CPNE4: variants seen among roughly 807,000 people sequenced by gnomAD.
The protein encoded by CPNE4 is copine-4.
CPNE4 carries 25 observed loss-of-function variants against 67.9 expected under a neutral mutation model. The ratio of observed to expected loss-of-function variants is 0.37; its 90% CI spans 0.27 to 0.51. The LOEUF (loss-of-function observed/expected upper bound fraction) is 0.51. CPNE4 is among the 20% of genes least tolerant of loss of function. The pLI, the probability that CPNE4 is intolerant of heterozygous loss-of-function variation, is 0.93. For synonymous variants in CPNE4, 242 were observed against 244.9 expected (o/e 0.99, Z 0.11); for missense variants, 464 against 690.8 (o/e 0.67, Z 3.68).
At chr3:131,952,345 A>T (rs2071765699) in intron 1 of CPNE4, among the ~76,000 whole-genome samples, 1 of 145,326 alleles carries the variant, frequency 6.9e-6, no homozygotes, top group Non-Finnish European at 1.5e-5. Context: ...CCGTCTGAGA[A>T]GTGAGGAGCC....
intron 2 of CPNE4, among the ~76,000 whole-genome samples, chr3:131,847,627 G>A (rs2086055595): frequency 6.6e-6 from 1 of 152,122 alleles, no homozygotes; most frequent in African/African-American, 2.4e-5. Flanking sequence ...CCAATAAAAC[G>A]TAACACTCTT....
rs1251448615 is a variant in CPNE4 at position 131,814,895 on chromosome 3, C to T, written c.180+90369G>A. Among the ~76,000 whole-genome samples the T allele has an allele frequency of 1.0e-4, 14 of 136,372 alleles. 1 individual carries two copies. The highest frequency in any genetic ancestry group is 7.5e-5 in the African/African-American group (2 of 26,770). 89.5% of individuals were successfully genotyped at this position (136,372 alleles called of 152,430 possible). A position where few individuals can be genotyped will look rare whatever the true frequency, so the allele number is the denominator to read the frequency against. ...CTGGGATTACAGGCGTGAGCCACCG[C>T]GCCCGGCCTGAAATGCAATTTTAAG... is the stretch of plus-strand genomic sequence containing the variant. On this transcript the variant is annotated intron_variant, in intron 2 of 15. Coordinates refer to ENST00000429747, the MANE Select transcript of CPNE4 (RefSeq NM_130808.3).
Position 131,723,609 on chromosome 3 carries a change from A to G in CPNE4, c.197T>C (p.Val66Ala). The G allele has an allele frequency of 6.2e-7, 1 of 1,611,848 alleles. No individual in the cohort carries two copies. Among genetic ancestry groups the G allele is most frequent in the Non-Finnish European group, 8.5e-7 (1 of 1,179,028 alleles). ...CACTGGGTTTATGCAGGTGCGAATC[A>G]CCTCAGTCCTGTCAACCTGCAAGGA... ...GQWFEVDRTE[V>A]IRTCINPVYS... Residue 66 changes from valine (V) to alanine (A), a missense_variant, in exon 3 of 16, where the codon GTG becomes GCG. By Grantham distance (64) the Val-to-Ala change is moderately conservative. Coordinates refer to ENST00000429747, the MANE Select transcript of CPNE4 (RefSeq NM_130808.3).
chr3:131,875,584 A>T (rs182628289), intron 2 of CPNE4, among the ~76,000 whole-genome samples: 1 of 152,140 alleles, frequency 6.6e-6, no homozygotes, highest in African/African-American at 2.4e-5. Context: ...CGCAAGGACA[A>T]AAAACCAAAC....
chr3:131,833,538 T>C (rs1281498980), intron 2 of CPNE4, among the ~76,000 whole-genome samples: 1 of 151,922 alleles, frequency 6.6e-6, no homozygotes, highest in East Asian at 1.9e-4. Context: ...TACTAAAAAA[T>C]ACAAAAATTA....
At chr3:131,697,310 AG>A in intron 4 of CPNE4, among the ~76,000 whole-genome samples, 1 of 152,360 alleles carries the variant, frequency 6.6e-6, no homozygotes, top group African/African-American at 2.4e-5. Flanking sequence ...TGACAACAAA[AG>A]CAACAAAAAT....
chr3:131,998,734 G>T (rs1313820268), intron 1 of CPNE4, among the ~76,000 whole-genome samples: 2 of 152,002 alleles, frequency 1.3e-5, no homozygotes, highest in African/African-American at 2.4e-5. Context: ...GATGGGTAAG[G>T]TTTTAGCCAT....
At chr3:131,682,957 C>A (rs139008467) in intron 6 of CPNE4, among the ~76,000 whole-genome samples, 3 of 152,104 alleles carry the variant, frequency 2.0e-5, no homozygotes, top group Non-Finnish European at 4.4e-5. Context: ...CTACCACCAA[C>A]GTTCACTCAG....
intron 2 of CPNE4, among the ~76,000 whole-genome samples, chr3:131,803,678 G>A (rs139390588): frequency 5.8e-4 from 89 of 152,332 alleles, no homozygotes; most frequent in African/African-American, 2.0e-3. Context: ...CTCTGCCCTT[G>A]TGAAGCTCAT....
At chr3:131,726,484 A>G (rs1354781363) in intron 2 of CPNE4, among the ~76,000 whole-genome samples, 1 of 152,198 alleles carries the variant, frequency 6.6e-6, no homozygotes, top group Non-Finnish European at 1.5e-5. Context: ...CAGGAAAATG[A>G]CAATAAGCGA....
chr3:131,980,376 G>C (rs1052644247), intron 1 of CPNE4, among the ~76,000 whole-genome samples: 3 of 152,048 alleles, frequency 2.0e-5, no homozygotes, highest in African/African-American at 7.2e-5. Context: ...ACTTCCTGGA[G>C]GTTTTGTTCA....
chr3:131,989,347 T>C (rs1166534609), intron 1 of CPNE4, among the ~76,000 whole-genome samples: 1 of 152,202 alleles, frequency 6.6e-6, no homozygotes, highest in Non-Finnish European at 1.5e-5. Context: ...TCAGGTAGCA[T>C]AGATTGTTTC....
chr3:131,876,706 CAT>C (rs1491494770), intron 2 of CPNE4, among the ~76,000 whole-genome samples: 3 of 150,610 alleles, frequency 2.0e-5, no homozygotes, highest in Admixed American at 1.3e-4. Context: ...AGTGTGTGCA[CAT>C]GTGTGTGTGT....
intron 2 of CPNE4, among the ~76,000 whole-genome samples, chr3:131,902,169 C>A (rs1182473877): frequency 6.6e-6 from 1 of 151,936 alleles, no homozygotes; most frequent in Non-Finnish European, 1.5e-5. Context: ...TATCAATGAA[C>A]CATATGATTA....
intron 7 of CPNE4, among the ~76,000 whole-genome samples, chr3:131,629,592 G>A (rs191117477): frequency 1.3e-5 from 2 of 152,112 alleles, no homozygotes; most frequent in East Asian, 3.9e-4. Context: ...TTACAGGCAT[G>A]CACCACCACG....
chr3:131,698,233 CAAAA>C (rs369274504), intron 4 of CPNE4, among the ~76,000 whole-genome samples: 9 of 64,448 alleles, frequency 1.4e-4, no homozygotes, highest in Non-Finnish European at 1.8e-4. Flanking sequence ...GGCTCTGTCT[CAAAA>C]AAAAAAAAAA....
At chr3:131,839,191 A>T (rs2085677536) in intron 2 of CPNE4, among the ~76,000 whole-genome samples, 1 of 151,932 alleles carries the variant, frequency 6.6e-6, no homozygotes, top group Non-Finnish European at 1.5e-5. Context: ...CATTTTAATG[A>T]TGAAAGATTT....
chr3:131,988,691 G>A (rs916696198), intron 1 of CPNE4, among the ~76,000 whole-genome samples: 2 of 152,100 alleles, frequency 1.3e-5, no homozygotes, highest in Admixed American at 6.5e-5. Context: ...TATTGTTTCC[G>A]TATTCTCCAG....
intron 2 of CPNE4, among the ~76,000 whole-genome samples, chr3:131,851,395 C>G (rs747748963): frequency 6.6e-6 from 1 of 151,842 alleles, no homozygotes; most frequent in Non-Finnish European, 1.5e-5. Flanking sequence ...AACAGTTGGG[C>G]ACAGGAAATA....
Sources: allele counts gnomAD v4.1 joint callset (sites outside exome capture counted in the v4.1 genomes callset), GRCh38; gene constraint gnomAD v4.1.1; transcripts MANE v1.5; gene names NCBI Gene and HGNC (gene_info 2026-07-23, HGNC 2026-07-21).